Variants in NREP observed in about 807,000 individuals in gnomAD.
NREP encodes neuronal regeneration related protein.
In NREP, 5 loss-of-function variants were observed where a neutral mutation model predicts 8.6. The observed-to-expected ratio is 0.58, with a 90% CI of 0.30 to 1.22. The LOEUF (loss-of-function observed/expected upper bound fraction) is 1.22. NREP is among the 50% of genes most tolerant of loss of function. The pLI, the probability that NREP is intolerant of heterozygous loss-of-function variation, is 0.07. For synonymous variants in NREP, 27 were observed against 28.0 expected (o/e 0.96, Z 0.11); for missense variants, 86 against 82.5 (o/e 1.04, Z -0.17).
intron 2 of NREP, among the ~76,000 whole-genome samples, chr5:111,973,503 T>G (rs1333621587): frequency 2.0e-5 from 3 of 152,204 alleles, no homozygotes; most frequent in Non-Finnish European, 4.4e-5. Flanking sequence ...TATTTTCCAG[T>G]CAAAAGTCTT....
At chr5:111,870,501 T>C (rs1468415316) in intron 2 of NREP, among the ~76,000 whole-genome samples, 5 of 152,224 alleles carry the variant, frequency 3.3e-5, no homozygotes, top group African/African-American at 9.6e-5. Context: ...ATTAGCATGA[T>C]TAATTTTTAA....
rs1264329389 is a variant in NREP, at chr5:111,873,507, G to A, written c.135+101767C>T. ...AGGGGACAGAAGTCTCCAATTTCTTGCTGGCTGTAAACTGAAGGCTGTTCT... is the reference window on the plus strand; with the variant it reads ...AGGGGACAGAAGTCTCCAATTTCTTACTGGCTGTAAACTGAAGGCTGTTCT... On this transcript the variant is annotated intron_variant, in intron 2 of 3. Coordinates refer to the NREP transcript ENST00000395634. 3.3e-5 allele frequency among the ~76,000 whole-genome samples: 5 copies of A among 152,240 alleles called. No individual in the cohort carries two copies. The South Asian group carries it at 8.3e-4, about 25-fold the overall frequency.
chr5:111,827,859 CA>C (rs1359258894), intron 2 of NREP, among the ~76,000 whole-genome samples: 1 of 151,880 alleles, frequency 6.6e-6, no homozygotes, highest in African/African-American at 2.4e-5. Flanking sequence ...CAAAAGAAAA[CA>C]AACAAAAAAC....
chr5:111,894,665 C>T (rs1287174799), intron 2 of NREP, among the ~76,000 whole-genome samples: 1 of 152,150 alleles, frequency 6.6e-6, no homozygotes. Context: ...GACCTTGGTC[C>T]AGCTCTTTAC....
chr5:111,896,738 TC>T (rs1754520305), intron 2 of NREP, among the ~76,000 whole-genome samples: 1 of 152,318 alleles, frequency 6.6e-6, no homozygotes, highest in South Asian at 2.1e-4. Context: ...CTTAATAGGT[TC>T]CTTTTGTCTA....
intron 2 of NREP, among the ~76,000 whole-genome samples, chr5:111,824,573 T>G (rs554857039): frequency 9.9e-5 from 15 of 152,128 alleles, no homozygotes; most frequent in Non-Finnish European, 1.9e-4. Context: ...ACATTGTACT[T>G]TTTTATCTAT....
intron 2 of NREP, among the ~76,000 whole-genome samples, chr5:111,767,085 T>A (rs1036764040): frequency 6.6e-6 from 1 of 152,198 alleles, no homozygotes; most frequent in East Asian, 1.9e-4. Context: ...TGGTAACACA[T>A]AAACACATCT....
At chr5:111,731,283 G>T (rs1006904796) in intron 3 of NREP, among the ~76,000 whole-genome samples, 66 of 152,266 alleles carry the variant, frequency 4.3e-4, no homozygotes, top group Non-Finnish European at 1.8e-4. Flanking sequence ...TCAGTAGAAT[G>T]AAGTGCTTCT....
At chr5:111,762,806 T>C (rs1750991944) in intron 2 of NREP, among the ~76,000 whole-genome samples, 3 of 152,314 alleles carry the variant, frequency 2.0e-5, no homozygotes, top group South Asian at 4.1e-4. Flanking sequence ...GGGAAACTAA[T>C]AGACCGCCCT....
At chr5:111,758,106 C>T (rs368732030), upstream of NREP, 77 of 985,476 alleles carry the variant, frequency 7.8e-5, no homozygotes, top group African/African-American at 1.0e-3. Flanking sequence ...CACACGGCCT[C>T]GGGTCGGACC....
At chr5:111,864,452 C>T (rs1036245401) in intron 2 of NREP, among the ~76,000 whole-genome samples, 1 of 151,920 alleles carries the variant, frequency 6.6e-6, no homozygotes, top group Non-Finnish European at 1.5e-5. Context: ...CCCAGAAGGG[C>T]AAAAAGTAGC....
chr5:111,830,751 A>G (rs1021866604), intron 2 of NREP, among the ~76,000 whole-genome samples: 20 of 152,222 alleles, frequency 1.3e-4, no homozygotes, highest in African/African-American at 4.6e-4. Flanking sequence ...GTTCTGTTGC[A>G]TACAGGTGCC....
In NREP at chr5:111,829,104, A is replaced by C. The variant is rs142497049; in HGVS notation, c.136-93597T>G. Among the ~76,000 whole-genome samples, 38 of 152,300 alleles carry C rather than the reference A, an allele frequency of 2.5e-4. 1 individual carries two copies. The highest frequency in any genetic ancestry group is 1.9e-3 in the East Asian group (10 of 5,184). The stretch of plus-strand genomic sequence containing the variant: ...AAAGAGCATAGTGTATCTGGAAAAA[A>C]AAAAACAAAAACATATAATTCTATG... On this transcript the variant is annotated intron_variant, in intron 2 of 3. Coordinates refer to the NREP transcript ENST00000395634.
chr5:111,969,820 A>ATAC (rs1561375760), intron 2 of NREP, among the ~76,000 whole-genome samples: 2 of 152,174 alleles, frequency 1.3e-5, no homozygotes, highest in African/African-American at 4.8e-5. Context: ...CTACAGCTTG[A>ATAC]GTATCCCAGA....
intron 2 of NREP, among the ~76,000 whole-genome samples, chr5:111,951,783 CCATTT>C (rs1422741422): frequency 6.6e-6 from 1 of 151,954 alleles, no homozygotes; most frequent in East Asian, 1.9e-4. Context: ...AAAATCGTGT[CCATTT>C]ATTTGTGGTT....
At chr5:111,885,447 A>G (rs1341817869) in intron 2 of NREP, among the ~76,000 whole-genome samples, 1 of 151,930 alleles carries the variant, frequency 6.6e-6, no homozygotes, top group Non-Finnish European at 1.5e-5. Context: ...GCTACCAATG[A>G]CTTTCTTCAC....
At chr5:111,732,769 G>A (rs1748715808) in intron 3 of NREP, 1 of 152,156 alleles carries the variant, frequency 6.6e-6, no homozygotes, top group East Asian at 1.9e-4. Flanking sequence ...CATGGTTCAG[G>A]ATAGGACAAA....
rs536843887 is a variant in NREP at position 111,895,005 on chromosome 5, A to T, written c.135+80269T>A. Reference sequence around the variant, plus strand: ...GCTCTTAGAATACCATCTGAGTAGAAGTTTCCAGAGAATAGCTTTGGTTAC... The same window carrying T: ...GCTCTTAGAATACCATCTGAGTAGATGTTTCCAGAGAATAGCTTTGGTTAC... On this transcript the variant is annotated intron_variant, in intron 2 of 3. Coordinates refer to the NREP transcript ENST00000395634. Among the ~76,000 whole-genome samples, 3 of 152,358 alleles carry T rather than the reference A, an allele frequency of 2.0e-5. No homozygotes were observed. In the South Asian group the frequency reaches 6.2e-4, roughly 32 times the overall value.
At chr5:111,787,514 A>T (rs1382871531) in intron 2 of NREP, among the ~76,000 whole-genome samples, 1 of 152,164 alleles carries the variant, frequency 6.6e-6, no homozygotes, top group Non-Finnish European at 1.5e-5. Context: ...ATAATGGATG[A>T]GAGTTGGAGA....
Sources: gnomAD v4.1 joint callset for allele counts (sites outside exome capture counted in the v4.1 genomes callset) on GRCh38, gnomAD v4.1.1 for gene constraint, MANE v1.5 for transcripts, NCBI Gene and HGNC (gene_info 2026-07-23, HGNC 2026-07-21) for gene names.